DMD: variants seen among roughly 807,000 people sequenced by gnomAD.
DMD encodes the protein mutant dystrophin.
DMD carries 63 observed loss-of-function variants against 330.1 expected under a neutral mutation model. The ratio of observed to expected loss-of-function variants is 0.19; its 90% CI spans 0.16 to 0.24. The LOEUF (loss-of-function observed/expected upper bound fraction) is 0.24, where lower values mean the gene tolerates loss of function less well. Ranked by LOEUF, DMD falls within the 10% of genes least tolerant of loss-of-function variation. DMD has a pLI of 1.00. For synonymous variants in DMD, 1,223 were observed against 959.8 expected, an observed-to-expected ratio of 1.27 and a Z score of -5.07; for missense variants, 3,344 against 2,684.1, an observed-to-expected ratio of 1.25 and a Z score of -5.43.
intron 51 of DMD, among the ~76,000 whole-genome samples, chrX:31,753,155 G>A (rs1349517906): frequency 1.8e-5 from 2 of 112,005 alleles, no homozygotes; most frequent in Non-Finnish European, 3.8e-5. Context: ...ATAATATGCT[G>A]GGGGTGTGAG....
intron 53 of DMD, among the ~76,000 whole-genome samples, chrX:31,662,435 T>C (rs904948595): frequency 1.8e-5 from 2 of 111,822 alleles, no homozygotes; most frequent in Non-Finnish European, 3.8e-5. Flanking sequence ...CTAGAAATGC[T>C]GCAACTCTAA....
At chrX:33,230,983 T>A (rs1434446782) in intron 1 of DMD, among the ~76,000 whole-genome samples, 1 of 111,089 alleles carries the variant, frequency 9.0e-6, no homozygotes. Context: ...TAAATAACAG[T>A]TGGAATCAGG....
At chrX:31,298,340 A>G (rs2054342884) in intron 62 of DMD, among the ~76,000 whole-genome samples, 2 of 110,920 alleles carry the variant, frequency 1.8e-5, no homozygotes, top group Admixed American at 9.7e-5. Flanking sequence ...TGAGAAAAAC[A>G]TAAGTGCTAG....
chrX:32,424,719 TTTGGGAAAAACAGC>T (rs1222595080), intron 29 of DMD, among the ~76,000 whole-genome samples: 1 of 109,952 alleles, frequency 9.1e-6, no homozygotes, highest in Admixed American at 9.8e-5. Context: ...ATCCTGACAT[TTTGGGAAAAACAGC>T]CAACAGCTAA....
At chrX:33,197,869 T>A (rs552925881) in intron 1 of DMD, among the ~76,000 whole-genome samples, 2 of 111,399 alleles carry the variant, frequency 1.8e-5, no homozygotes, top group Admixed American at 1.9e-4. Context: ...TTCTTGTTTC[T>A]AGCTACTGCA....
chrX:32,490,809 T>C (rs1328102509), intron 20 of DMD, among the ~76,000 whole-genome samples: 1 of 112,131 alleles, frequency 8.9e-6, no homozygotes, highest in Non-Finnish European at 1.9e-5. Context: ...GAAACCTTCC[T>C]CAAATTATCG....
At chrX:31,871,174 G>A (rs982298911) in intron 48 of DMD, among the ~76,000 whole-genome samples, 3 of 111,062 alleles carry the variant, frequency 2.7e-5, no homozygotes, top group Non-Finnish European at 3.8e-5. Flanking sequence ...TGATGGGAAA[G>A]GGCTGTGATT....
Position 32,201,151 on chromosome X carries a change from T to C in DMD, c.6438+15765A>G, listed in dbSNP as rs986016070. Among the ~76,000 whole-genome samples the C allele has an allele frequency of 2.7e-5, 3 of 112,210 alleles. No individual in the cohort carries two copies. The South Asian group carries it at 1.1e-3, about 41-fold the overall frequency. ...AGTACTGAGCCCTATATAAACTATA[T>C]GTACTTGTGATAAATTTTAATTTAT... On this transcript the variant is annotated intron_variant, in intron 44 of 78. Transcript: ENST00000357033.
intron 4 of DMD, among the ~76,000 whole-genome samples, chrX:32,838,527 G>T (rs1421773748): frequency 9.0e-6 from 1 of 111,485 alleles, no homozygotes; most frequent in East Asian, 2.8e-4. Context: ...TTAGTTTGCT[G>T]AGAATGATGG....
At chrX:32,786,086 A>AGTGTGTATGTGT (rs1557029347) in intron 7 of DMD, among the ~76,000 whole-genome samples, 14 of 96,548 alleles carry the variant, frequency 1.5e-4, no homozygotes, top group African/African-American at 5.0e-4. Context: ...GAGGAATAAG[A>AGTGTGTATGTGT]GTGTGTGTGT....
intron 1 of DMD, among the ~76,000 whole-genome samples, chrX:33,096,871 C>A (rs1270401435): frequency 1.8e-5 from 2 of 112,689 alleles, no homozygotes; most frequent in Admixed American, 1.9e-4. Flanking sequence ...ACACAAACTG[C>A]AAGAACAAAT....
At position 31,916,207 on chromosome X, in the gene DMD, T is replaced by C. The variant is rs771780932; in HGVS notation, c.6912+13389A>G. ...AGCCCACCCATTAGCTGACTGAAAA[T>C]GTATGAGTGAGCCAGAACAACACAA... On this transcript the variant is annotated intron_variant, in intron 47 of 78. Coordinates refer to ENST00000357033, the MANE Select transcript of DMD (RefSeq NM_004006.3). Among the ~76,000 whole-genome samples the C allele has an allele frequency of 1.7e-4, 19 of 111,785 alleles. No homozygotes were observed. The South Asian group carries it at 6.7e-3, about 40-fold the overall frequency.
In DMD at chrX:32,572,550, G is replaced by GT. The variant is rs34204984; in HGVS notation, c.1812+979dup. Among the ~76,000 whole-genome samples, 422 of 96,735 alleles carry GT rather than the reference G, an allele frequency of 4.4e-3. 9 individuals carry two copies. In the East Asian group the frequency reaches 0.087, roughly 20 times the overall value. The allele number at this position is 96,735 out of a possible 115,157, so 84.0% of individuals were successfully genotyped here. On this transcript the variant is annotated intron_variant, in intron 15 of 78. Coordinates refer to ENST00000357033, the MANE Select transcript of DMD (RefSeq NM_004006.3). ...TTCACAGAGTAAGAGAAACTTTAGA[G>GT]TTTTTTTTTTTTTTTTTAAATCTTG...
intron 21 of DMD, among the ~76,000 whole-genome samples, chrX:32,483,553 G>A (rs1326607905): frequency 1.8e-5 from 2 of 109,007 alleles, no homozygotes; most frequent in Admixed American, 2.0e-4. Context: ...CCAGTGAAAT[G>A]GCTCCTTTGC....
At position 31,190,353 on chromosome X, in the gene DMD, T is replaced by C. The variant is rs1382092439; in HGVS notation, c.9808-7449A>G. ...ACTGGTGTCAGTTTATTAGTGGGGATGCCATTACTGGGCAGATGTTCTTTT... is the reference window on the plus strand; with the variant it reads ...ACTGGTGTCAGTTTATTAGTGGGGACGCCATTACTGGGCAGATGTTCTTTT... On this transcript the variant is annotated intron_variant, in intron 67 of 78. Transcript: ENST00000357033. 2.7e-5 allele frequency among the ~76,000 whole-genome samples: 3 copies of C among 109,594 alleles called. No individual in the cohort carries two copies. In the East Asian group the frequency reaches 8.7e-4, roughly 32 times the overall value.
At chrX:31,478,575 A>G (rs1042729902) in intron 58 of DMD, among the ~76,000 whole-genome samples, 1 of 111,762 alleles carries the variant, frequency 8.9e-6, no homozygotes, top group Admixed American at 9.5e-5. Context: ...CCTTATATCA[A>G]TCCGACAATT....
chrX:32,428,539 A>AT, intron 29 of DMD, among the ~76,000 whole-genome samples: 1 of 111,842 alleles, frequency 8.9e-6, no homozygotes, highest in Non-Finnish European at 1.9e-5. Context: ...ATGCTGATAT[A>AT]GTTGTGTATT....
intron 19 of DMD, among the ~76,000 whole-genome samples, chrX:32,494,219 G>A (rs1385583473): frequency 9.0e-6 from 1 of 111,389 alleles, no homozygotes; most frequent in African/African-American, 3.3e-5. Context: ...CCCAAAAAAT[G>A]TTGCAATATA....
intron 37 of DMD, among the ~76,000 whole-genome samples, chrX:32,351,935 C>T (rs2097783039): frequency 9.0e-6 from 1 of 110,645 alleles, no homozygotes; most frequent in Non-Finnish European, 1.9e-5. Flanking sequence ...GAAACTTAGA[C>T]TTCTTTAGTT....
Sources: allele counts gnomAD v4.1 joint callset (sites outside exome capture counted in the v4.1 genomes callset), GRCh38; gene constraint gnomAD v4.1.1; transcripts MANE v1.5; gene names NCBI Gene and HGNC (gene_info 2026-07-23, HGNC 2026-07-21).